ULK4: variants seen among roughly 807,000 people sequenced by gnomAD.
ULK4 encodes unc-51 like kinase 4.
Under a neutral mutation model 160.6 loss-of-function variants are expected in ULK4, and 133 were observed. The ratio of observed to expected loss-of-function variants is 0.83; its 90% CI spans 0.72 to 0.96. The LOEUF (loss-of-function observed/expected upper bound fraction) is 0.96. ULK4 is among the 40% of genes least tolerant of loss of function. The probability of loss-of-function intolerance (pLI) is 0.00; values close to 1 mark genes in which losing one functional copy is unlikely to be tolerated. For missense variants in ULK4, 1,580 were observed against 1,499.5 expected (o/e 1.05, Z -0.89); for synonymous variants, 534 against 539.8 (o/e 0.99, Z 0.15).
At chr3:41,917,919 G>A (rs774875753) in intron 7 of ULK4, among the ~76,000 whole-genome samples, 2 of 151,942 alleles carry the variant, frequency 1.3e-5, no homozygotes, top group Non-Finnish European at 2.9e-5. Context: ...CCCGGGAGGC[G>A]GAGGTTGCAG....
At chr3:41,414,409 T>C (rs534266955) in intron 34 of ULK4, among the ~76,000 whole-genome samples, 2 of 152,334 alleles carry the variant, frequency 1.3e-5, no homozygotes, top group South Asian at 4.1e-4. Context: ...TTTACAACAA[T>C]TTAAAATCAC....
chr3:41,688,220 G>C (rs1402916510), intron 27 of ULK4, among the ~76,000 whole-genome samples: 2 of 151,622 alleles, frequency 1.3e-5, no homozygotes, highest in Non-Finnish European at 2.9e-5. Context: ...CCACAGAGGA[G>C]CCATTCAGAG....
Position 41,517,929 on chromosome 3 carries a change from T to C in ULK4, c.3226+48096A>G, listed in dbSNP as rs145226464. ...CGCAATTACATTTGCACCAACTTAA[T>C]ATTAAGAATACTCCTACTCTAAATA... On this transcript the variant is annotated intron_variant, in intron 32 of 36. Coordinates refer to ENST00000301831, the MANE Select transcript of ULK4 (RefSeq NM_017886.4). 3.5e-3 allele frequency among the ~76,000 whole-genome samples: 528 copies of C among 152,336 alleles called. 1 individual carries two copies. The highest frequency in any genetic ancestry group is 8.7e-3 in the African/African-American group (361 of 41,584).
chr3:41,448,564 ACT>A (rs1575234437), intron 34 of ULK4, among the ~76,000 whole-genome samples: 1 of 152,150 alleles, frequency 6.6e-6, no homozygotes, highest in Admixed American at 6.5e-5. Context: ...TGGAAAGAAC[ACT>A]CTGACTGTAC....
intron 32 of ULK4, among the ~76,000 whole-genome samples, chr3:41,496,803 A>T (rs2085007881): frequency 6.6e-6 from 1 of 152,168 alleles, no homozygotes; most frequent in Non-Finnish European, 1.5e-5. Flanking sequence ...CTAGGTATTC[A>T]ACTGAGATCT....
At chr3:41,904,755 A>G (rs1698494291) in intron 12 of ULK4, among the ~76,000 whole-genome samples, 1 of 152,228 alleles carries the variant, frequency 6.6e-6, no homozygotes. Flanking sequence ...AAAAGCAATT[A>G]TATTTGTCAA....
intron 35 of ULK4, among the ~76,000 whole-genome samples, chr3:41,366,769 G>A (rs1206360858): frequency 6.6e-6 from 1 of 152,328 alleles, no homozygotes; most frequent in African/African-American, 2.4e-5. Context: ...ATATGCCACA[G>A]TTGAGTCTTC....
At chr3:41,959,614 C>T (rs2148850825) in intron 1 of ULK4, among the ~76,000 whole-genome samples, 1 of 152,228 alleles carries the variant, frequency 6.6e-6, no homozygotes, top group South Asian at 2.1e-4. Context: ...CTTTTTACAT[C>T]CCTCTTCGTT....
rs550750975 is a variant in ULK4 at position 41,865,962 on chromosome 3, A to G, written c.1656+17912T>C. ...TCAAAATTAAGAATGTTTTAAAGAT[A>G]CCATAAAATAAAAAGACAAGCCACA... On this transcript the variant is annotated intron_variant, in intron 17 of 36. Transcript: ENST00000301831. Among the ~76,000 whole-genome samples the G allele has an allele frequency of 2.0e-5, 3 of 152,336 alleles. No individual in the cohort carries two copies. In the East Asian group the frequency reaches 5.8e-4, roughly 29 times the overall value.
At chr3:41,910,012 T>G (rs1698722949) in intron 11 of ULK4, among the ~76,000 whole-genome samples, 2 of 152,230 alleles carry the variant, frequency 1.3e-5, no homozygotes, top group South Asian at 4.1e-4. Context: ...TCCTCCTGCC[T>G]CAGCCTCCTA....
At chr3:41,396,708 C>T (rs1212039786) in intron 35 of ULK4, among the ~76,000 whole-genome samples, 2 of 152,106 alleles carry the variant, frequency 1.3e-5, no homozygotes, top group Non-Finnish European at 1.5e-5. Flanking sequence ...AACTGCCTCA[C>T]TACGTGATTC....
chr3:41,306,010 G>T (rs2079913789), intron 35 of ULK4, among the ~76,000 whole-genome samples: 1 of 149,884 alleles, frequency 6.7e-6, no homozygotes, highest in Non-Finnish European at 1.5e-5. Context: ...GAAGTAAGGA[G>T]CCCCTCCGCC....
intron 25 of ULK4, among the ~76,000 whole-genome samples, chr3:41,712,046 C>T (rs2125837845): frequency 6.6e-6 from 1 of 152,312 alleles, no homozygotes; most frequent in African/African-American, 2.4e-5. Context: ...TTTAAAATTA[C>T]TCTGCTGAAT....
intron 35 of ULK4, among the ~76,000 whole-genome samples, chr3:41,305,779 A>G (rs1221621477): frequency 1.1e-4 from 14 of 130,230 alleles, no homozygotes; most frequent in African/African-American, 1.7e-4. Context: ...AGTGAGGAGC[A>G]CCTCTTCCCG....
chr3:41,879,263 G>A (rs936762046), intron 17 of ULK4, among the ~76,000 whole-genome samples: 2 of 151,794 alleles, frequency 1.3e-5, no homozygotes, highest in African/African-American at 4.8e-5. Context: ...TGAAATCATG[G>A]TTATACATTT....
chr3:41,506,664 G>T (rs1356887750), intron 32 of ULK4, among the ~76,000 whole-genome samples: 1 of 149,382 alleles, frequency 6.7e-6, no homozygotes, highest in Non-Finnish European at 1.5e-5. Context: ...TCGACCATCA[G>T]TCCTTCACTA....
intron 32 of ULK4, among the ~76,000 whole-genome samples, chr3:41,492,102 G>A (rs1166855383): frequency 6.6e-6 from 1 of 150,730 alleles, no homozygotes; most frequent in African/African-American, 2.4e-5. Context: ...TGGTGTATAT[G>A]TGACACATTT....
chr3:41,484,451 T>TTC (rs2084435864), intron 32 of ULK4, among the ~76,000 whole-genome samples: 2 of 133,332 alleles, frequency 1.5e-5, no homozygotes, highest in African/African-American at 2.8e-5. Flanking sequence ...TTTTTTTCTT[T>TTC]CTTTTCCTTT....
Position 41,404,148 on chromosome 3 carries a change from T to C in ULK4, c.3493-5884A>G, listed in dbSNP as rs374333594. On this transcript the variant is annotated intron_variant, in intron 34 of 36. Transcript: ENST00000301831. ...TTTCTATATTCTTGATTTTTTCGTC[T>C]AGTTGTTCTATTAATTCCTAAGTGG... Among the ~76,000 whole-genome samples, 579 of 152,212 alleles carry C rather than the reference T, an allele frequency of 3.8e-3. 1 individual carries two copies. Among genetic ancestry groups the C allele is most frequent in the Middle Eastern group, 0.017 (5 of 294 alleles).
Sources: gnomAD v4.1 joint callset for allele counts (sites outside exome capture counted in the v4.1 genomes callset) on GRCh38, gnomAD v4.1.1 for gene constraint, MANE v1.5 for transcripts, NCBI Gene and HGNC (gene_info 2026-07-23, HGNC 2026-07-21) for gene names.